The following ARHGAP33 variants were observed in gnomAD, a reference collection of about 807,000 sequenced individuals.
ARHGAP33 encodes the protein rho GTPase-activating protein 33.
Under a neutral mutation model 126.2 loss-of-function variants are expected in ARHGAP33, and 57 were observed. That is an observed-to-expected ratio of 0.45 (90% confidence interval 0.36 to 0.56). The LOEUF is 0.56. Ranked by LOEUF, ARHGAP33 falls within the 20% of genes least tolerant of loss-of-function variation. The pLI is 0.00. For missense variants in ARHGAP33, 1,500 were observed against 1,748.3 expected, an observed-to-expected ratio of 0.86 and a Z score of 2.53; for synonymous variants, 711 against 755.0, an observed-to-expected ratio of 0.94 and a Z score of 0.95.
Position 35,778,232 on chromosome 19 carries a change from G to T in ARHGAP33, c.190-48G>T, listed in dbSNP as rs371671563. The T allele has an allele frequency of 5.0e-6, 8 of 1,602,736 alleles. No homozygotes were observed. In the South Asian group the frequency reaches 7.7e-5, roughly 15 times the overall value. ...CCCTAGATAGTGCCATCCCCAGGAG[G>T]TCAGGACTGGGACAAAAGTCCACCT... On this transcript the variant is annotated intron_variant, in intron 3 of 20. Transcript: ENST00000007510.
At chr19:35,785,623 T>G in intron 19 of ARHGAP33, 140 bp downstream of exon 19, 1 of 1,472,606 alleles carries the variant, frequency 6.8e-7, no homozygotes, top group Admixed American at 2.4e-5. Context: ...CTGGCCTTTA[T>G]GTACAATGAG....
chr19:35,778,133 C>T, intron 3 of ARHGAP33, 147 bp from the exon 4 acceptor site: 1 of 877,844 alleles, frequency 1.1e-6, no homozygotes, highest in Non-Finnish European at 1.8e-6. Context: ...TGTTAGGTAT[C>T]TGCTCTATGT....
rs767761630 is a variant in ARHGAP33 at position 35,780,959 on chromosome 19, G to A, written c.869G>A (p.Arg290His). ...CGTGGGAAGCTGGCCGGCCTGCTCC[G>A]CACCTTCATGCGCTCCCGCCCTTCT... is the stretch of plus-strand genomic sequence containing the variant. ...RPRGKLAGLL[R>H]TFMRSRPSRQ... Residue 290 changes from arginine to histidine, a missense_variant, in exon 11 of 21, where the codon CGC (arginine) becomes CAC (histidine). Physicochemically the swap from Arg to His is conservative, Grantham distance 29. Coordinates refer to ENST00000007510, the MANE Select transcript of ARHGAP33 (RefSeq NM_001366178.1). The A allele has an allele frequency of 8.7e-6, 14 of 1,609,698 alleles. No homozygotes were observed. The highest frequency in any genetic ancestry group is 2.2e-5 in the East Asian group (1 of 44,884).
chr19:35,786,525 GTCC>G lies in ARHGAP33; in HGVS notation c.2064_2066del (p.Ser689del), dbSNP rs752473955. The stretch of plus-strand genomic sequence containing the variant: ...GCCTGTCCTCGTCCTCCTCCTCCGA[GTCC>G]TCCTCCTCTGAGTCCTCCTCTTCCT... On this transcript the variant is annotated inframe_deletion, in exon 20 of 21. Coordinates refer to ENST00000007510, the MANE Select transcript of ARHGAP33 (RefSeq NM_001366178.1). The surrounding 1 kb of genome is among the most constrained non-coding windows in gnomAD (Gnocchi z 7.0). 10 of 1,536,020 alleles carry G rather than the reference GTCC, an allele frequency of 6.5e-6. No individual in the cohort carries two copies. Among genetic ancestry groups the G allele is most frequent in the Non-Finnish European group, 8.7e-6 (10 of 1,146,830 alleles).
chr19:35,785,589 C>A, intron 19 of ARHGAP33, 106 bp downstream of exon 19: 1 of 1,542,692 alleles, frequency 6.5e-7, no homozygotes, highest in Non-Finnish European at 8.7e-7. Flanking sequence ...ATTTGGGGGC[C>A]CTGGGGCTTT....
chr19:35,786,182 A>T lies in ARHGAP33; in HGVS notation c.1943-231A>T. On this transcript the variant is annotated intron_variant, in intron 19 of 20. Transcript: ENST00000007510. The surrounding 1 kb of genome is among the most constrained non-coding windows in gnomAD (Gnocchi z 7.0). ...GCTGTCCTGCTGGCTCAGCAGCTGT[A>T]TGTGAATCTGTTGGTCTCGTGCTCA... 1 of 1,388,114 alleles carries T rather than the reference A, an allele frequency of 7.2e-7. No individual in the cohort carries two copies. Among genetic ancestry groups the T allele is most frequent in the Non-Finnish European group, 9.3e-7 (1 of 1,075,092 alleles). 86.0% of individuals were successfully genotyped at this position (1,388,114 alleles called of 1,614,324 possible).
Position 35,787,148 on chromosome 19 carries a change from C to G in ARHGAP33, c.2603-20C>G. ...TGAGGGCCTGGCCCCAGCTGAACCC[C>G]TCTCCATTCATTTATATAGGTCCTG... On this transcript the variant is annotated intron_variant, in intron 20 of 20. Coordinates refer to ENST00000007510, the MANE Select transcript of ARHGAP33 (RefSeq NM_001366178.1). The G allele has an allele frequency of 6.2e-7, 1 of 1,607,752 alleles. No homozygotes were observed. Among genetic ancestry groups the G allele is most frequent in the Admixed American group, 1.7e-5 (1 of 58,068 alleles).
rs1972171482 is a variant in ARHGAP33 at position 35,787,315 on chromosome 19, A to G, written c.2750A>G (p.Gln917Arg). 6.2e-7 allele frequency: 1 copy of G among 1,612,326 alleles called. No individual in the cohort carries two copies. The highest frequency in any genetic ancestry group is 8.5e-7 in the Non-Finnish European group (1 of 1,179,424). The change falls in exon 21 of 21, where the codon CAG (glutamine) becomes CGG (arginine). Residue 917 changes from glutamine (Q) to arginine (R), a missense_variant. By Grantham distance (43) the Gln-to-Arg change is conservative. This residue lies in a region of ARHGAP33 where 642 missense variants were observed against 634.0 expected (regional missense o/e 1.01). Coordinates refer to ENST00000007510, the MANE Select transcript of ARHGAP33 (RefSeq NM_001366178.1). ...RAQQVAEQQS[Q>R]QECGGTPPAS... ...CAGCAGGTGGCCGAGCAACAGAGCC[A>G]GCAGGAGTGTGGGGGCACCCCACCT...
Position 35,785,177 on chromosome 19 carries a change from C to T in ARHGAP33, c.1722-12C>T. On this transcript the variant is annotated splice_polypyrimidine_tract_variant and intron_variant, in intron 17 of 20. Transcript: ENST00000007510. ...TCCTCAGACGGCCTCCTGTTTCTCC[C>T]CCAAACCGCAGGAGGAAAGGGGAGA... 5.1e-6 allele frequency: 8 copies of T among 1,576,186 alleles called. No individual in the cohort carries two copies. The highest frequency in any genetic ancestry group is 6.9e-6 in the Non-Finnish European group (8 of 1,157,046).
intron 3 of ARHGAP33, 125 bp from the exon 4 acceptor site, chr19:35,778,155 A>G: frequency 9.9e-7 from 1 of 1,008,586 alleles, no homozygotes; most frequent in Non-Finnish European, 1.5e-6. Flanking sequence ...AGGGACCAGG[A>G]CATCACCAGG....
chr19:35,781,741 CAGG>C (rs1971793741), intron 12 of ARHGAP33, among the ~76,000 whole-genome samples: 1 of 152,196 alleles, frequency 6.6e-6, no homozygotes, highest in Non-Finnish European at 1.5e-5. Flanking sequence ...GGAACAGCAA[CAGG>C]AGGCCATGGC....
chr19:35,782,931 G>T lies in ARHGAP33; in HGVS notation c.1421+62G>T. 7.0e-7 allele frequency: 1 copy of T among 1,420,196 alleles called. No individual in the cohort carries two copies. The allele number at this position is 1,420,196 out of a possible 1,614,324, so 88.0% of individuals were successfully genotyped here. ...TTCCCCAAAACCACCCCAGGAACCCGCCCAGCTTTTCTTTTGTTTATTCAT... is the reference window on the plus strand; with the variant it reads ...TTCCCCAAAACCACCCCAGGAACCCTCCCAGCTTTTCTTTTGTTTATTCAT... On this transcript the variant is annotated intron_variant, in intron 15 of 20. Coordinates refer to ENST00000007510, the MANE Select transcript of ARHGAP33 (RefSeq NM_001366178.1). This position sits in a 1 kb window ranked among gnomAD's most constrained non-coding sequence, Gnocchi z 4.1.
At position 35,776,448 on chromosome 19, in the gene ARHGAP33, T is replaced by A. The variant is rs553256106; in HGVS notation, c.6+784T>A. On this transcript the variant is annotated intron_variant, in intron 1 of 20. Transcript: ENST00000007510. ...AGAGAGAGTCAGCTCCCATCCTGCCTTGGGGAACCTTATGGGCTGGAGGGG... is the reference window on the plus strand; with the variant it reads ...AGAGAGAGTCAGCTCCCATCCTGCCATGGGGAACCTTATGGGCTGGAGGGG... Among the ~76,000 whole-genome samples the A allele has an allele frequency of 8.5e-5, 13 of 152,228 alleles. No homozygotes were observed. The South Asian group carries it at 2.7e-3, about 32-fold the overall frequency.
chr19:35,788,234 G>C lies in ARHGAP33; in HGVS notation c.3669G>C (p.Pro1223=), dbSNP rs754366815. The C allele has an allele frequency of 6.2e-7, 1 of 1,607,748 alleles. No homozygotes were observed. Among genetic ancestry groups the C allele is most frequent in the Admixed American group, 1.7e-5 (1 of 58,944 alleles). The change falls in exon 21 of 21, where the codon CCG becomes CCC. Residue 1223 remains proline (P), a synonymous_variant. Coordinates refer to ENST00000007510, the MANE Select transcript of ARHGAP33 (RefSeq NM_001366178.1). ...GACCCCGTACCCCTCATAGGGTGCC[G>C]GGTCCCTGGGGCCCTCCTGAGCCTC... ...PWGPRTPHRV[P]GPWGPPEPLL...
chr19:35,781,831 G>A (rs561537652), intron 12 of ARHGAP33, among the ~76,000 whole-genome samples: 2 of 152,132 alleles, frequency 1.3e-5, no homozygotes, highest in Admixed American at 6.5e-5. Flanking sequence ...AGGGGGAACC[G>A]CAGGAGGGCT....
Position 35,782,815 on chromosome 19 carries a change from A to G in ARHGAP33, c.1367A>G (p.Asn456Ser). The change falls in exon 15 of 21, where the codon AAC becomes AGC. Residue 456 changes from asparagine to serine, a missense_variant. Asn to Ser is a conservative substitution (Grantham distance 46). Coordinates refer to ENST00000007510, the MANE Select transcript of ARHGAP33 (RefSeq NM_001366178.1). The surrounding 1 kb of genome is among the most constrained non-coding windows in gnomAD (Gnocchi z 4.1). ...HLARMARHSA[N>S]TSMHARNLAI... Reference sequence around the variant, plus strand: ...GCCCGCATGGCGAGACACAGTGCCAACACCAGCATGCATGCCCGCAACCTG... The same window carrying G: ...GCCCGCATGGCGAGACACAGTGCCAGCACCAGCATGCATGCCCGCAACCTG... The G allele has an allele frequency of 6.2e-7, 1 of 1,614,028 alleles. No homozygotes were observed. Among genetic ancestry groups the G allele is most frequent in the South Asian group, 1.1e-5 (1 of 91,040 alleles).
At chr19:35,777,459 G>C in intron 1 of ARHGAP33, 186 bp from the exon 2 acceptor site, 1 of 614,054 alleles carries the variant, frequency 1.6e-6, no homozygotes, top group South Asian at 1.9e-5. Context: ...CCCCACCCCA[G>C]ACCACACACG....
At chr19:35,785,725 G>T in intron 19 of ARHGAP33, 1 of 1,368,118 alleles carries the variant, frequency 7.3e-7, no homozygotes. Flanking sequence ...TATTATTCCT[G>T]TTGAACATTT....
At chr19:35,784,450 C>G (rs941945507) in intron 16 of ARHGAP33, 133 bp downstream of exon 16, 175 of 1,414,722 alleles carry the variant, frequency 1.2e-4, no homozygotes, top group Admixed American at 2.8e-5. Context: ...TTGAGGATCC[C>G]GCCCCGGCCT....
Sources: allele counts gnomAD v4.1 joint callset (sites outside exome capture counted in the v4.1 genomes callset), GRCh38; gene constraint gnomAD v4.1.1; regional missense constraint gnomAD v4.1.1; non-coding constraint Gnocchi (gnomAD v3.1); transcripts MANE v1.5; gene names NCBI Gene and HGNC (gene_info 2026-07-23, HGNC 2026-07-21).